Variants in BCL2L13 observed in about 807,000 individuals in gnomAD.
BCL2L13 encodes the protein BCL2 like 13, also known as bcl-2-like protein 13.
Under a neutral mutation model 25.8 loss-of-function variants are expected in BCL2L13, and 13 were observed. The observed-to-expected ratio is 0.50, with a 90% CI of 0.33 to 0.80. The LOEUF (loss-of-function observed/expected upper bound fraction) is 0.80, where lower values mean the gene tolerates loss of function less well. Among genes scored for constraint, BCL2L13 ranks in the 30% least tolerant of loss-of-function variants. The pLI, the probability that BCL2L13 is intolerant of heterozygous loss-of-function variation, is 0.02. For synonymous variants in BCL2L13, 244 were observed against 230.3 expected, an observed-to-expected ratio of 1.06 and a Z score of -0.54; for missense variants, 504 against 574.9, an observed-to-expected ratio of 0.88 and a Z score of 1.26.
chr22:17,702,133 TA>T, intron 5 of BCL2L13, 109 bp from the exon 6 acceptor site: 1 of 897,168 alleles, frequency 1.1e-6, no homozygotes, highest in Non-Finnish European at 1.7e-6. Flanking sequence ...ATAATGAAAA[TA>T]AAAATACCTT....
In BCL2L13 at chr22:17,722,911, G is replaced by C. The variant is rs16981042; in HGVS notation, c.601-3766G>C. Among the ~76,000 whole-genome samples the C allele has an allele frequency of 5.8e-3, 879 of 152,092 alleles. 13 individuals are homozygous for C. The highest frequency in any genetic ancestry group is 0.02 in the African/African-American group (843 of 41,488). ...TATGTAGAGTTATTGTACAATATGG[G>C]CTTCCTTCCACATTGGACTTAAAAA... On this transcript the variant is annotated intron_variant, in intron 6 of 6. Coordinates refer to ENST00000317582, the MANE Select transcript of BCL2L13 (RefSeq NM_015367.4).
intron 6 of BCL2L13, among the ~76,000 whole-genome samples, chr22:17,725,080 C>T (rs939128919): frequency 4.6e-5 from 7 of 152,218 alleles, no homozygotes; most frequent in Non-Finnish European, 7.3e-5. Context: ...AAGGCCTGTG[C>T]TGTAGGGCTT....
intron 1 of BCL2L13, among the ~76,000 whole-genome samples, chr22:17,643,285 T>A (rs1473847568): frequency 3.4e-5 from 5 of 149,252 alleles, no homozygotes; most frequent in Admixed American, 1.3e-4. Context: ...CATTTGATAA[T>A]TTTTTTTTTT....
intron 6 of BCL2L13, among the ~76,000 whole-genome samples, chr22:17,723,991 G>A (rs2061226852): frequency 6.6e-6 from 1 of 151,750 alleles, no homozygotes; most frequent in African/African-American, 2.4e-5. Flanking sequence ...ATGAACTCAA[G>A]TCCAGGTGTG....
chr22:17,706,473 C>T (rs779542023), intron 6 of BCL2L13, among the ~76,000 whole-genome samples: 20 of 152,140 alleles, frequency 1.3e-4, no homozygotes, highest in Non-Finnish European at 2.8e-4. Context: ...CTTCTCTGAA[C>T]CTCAGTTTCA....
chr22:17,639,287 G>C (rs1043373588), intron 1 of BCL2L13, among the ~76,000 whole-genome samples: 2 of 152,260 alleles, frequency 1.3e-5, no homozygotes, highest in African/African-American at 4.8e-5. Flanking sequence ...GATTCACTTA[G>C]AACACTGGAA....
intron 2 of BCL2L13, among the ~76,000 whole-genome samples, chr22:17,679,879 A>G (rs981866908): frequency 3.8e-4 from 57 of 151,980 alleles, no homozygotes; most frequent in Admixed American, 1.8e-3. Context: ...TGTAATAGAA[A>G]TTGACACAAG....
At chr22:17,684,730 A>C in intron 3 of BCL2L13, 2 of 346,986 alleles carry the variant, frequency 5.8e-6, no homozygotes, top group East Asian at 9.0e-5. Context: ...AACCTGGCTA[A>C]TTTTTTGTAT....
rs765639315 is a variant in BCL2L13 at position 17,711,304 on chromosome 22, C to CTTTTTTTTTTTTTTTTTTTTTTTTTT, written c.600+8929_600+8930insTTTTTTTTTTTTTTTTTTTTTTTTTT. ...TTTCCCTTATTTCTTCATGATGGGC[C>CTTTTTTTTTTTTTTTTTTTTTTTTTT]TTTTTTTTTTTGAGACAGGGTTTCA... is the stretch of plus-strand genomic sequence containing the variant. On this transcript the variant is annotated intron_variant, in intron 6 of 6. Transcript: ENST00000317582. Among the ~76,000 whole-genome samples the CTTTTTTTTTTTTTTTTTTTTTTTTTT allele has an allele frequency of 2.4e-5, 3 of 125,388 alleles. 1 individual carries two copies. Among genetic ancestry groups the CTTTTTTTTTTTTTTTTTTTTTTTTTT allele is most frequent in the Non-Finnish European group, 3.4e-5 (2 of 59,374 alleles). The allele number at this position is 125,388 out of a possible 152,430, so 82.3% of individuals were successfully genotyped here.
chr22:17,703,974 A>G lies in BCL2L13; in HGVS notation c.600+1588A>G, dbSNP rs151059682. Among the ~76,000 whole-genome samples, 55 of 152,362 alleles carry G rather than the reference A, an allele frequency of 3.6e-4. 2 individuals are homozygous for G. The highest frequency in any genetic ancestry group is 1.3e-3 in the African/African-American group (55 of 41,582). The stretch of plus-strand genomic sequence containing the variant: ...TCAACTTTCAGTTTTATGATGATGT[A>G]GTACATCAAGGTTTGTTTGGTGATT... On this transcript the variant is annotated intron_variant, in intron 6 of 6. Transcript: ENST00000317582.
chr22:17,653,454 C>T (rs1409148365), intron 1 of BCL2L13, among the ~76,000 whole-genome samples: 7 of 150,524 alleles, frequency 4.7e-5, no homozygotes, highest in South Asian at 2.1e-4. Flanking sequence ...TGTCTCCTTG[C>T]GTCTACTCTT....
At chr22:17,642,081 G>T (rs1181619903) in intron 1 of BCL2L13, among the ~76,000 whole-genome samples, 1 of 148,862 alleles carries the variant, frequency 6.7e-6, no homozygotes, top group Non-Finnish European at 1.5e-5. Context: ...TTACAGGTGT[G>T]TGCCACCGCG....
intron 1 of BCL2L13, among the ~76,000 whole-genome samples, chr22:17,653,301 G>A (rs1360463139): frequency 1.3e-5 from 2 of 151,978 alleles, no homozygotes; most frequent in African/African-American, 4.8e-5. Flanking sequence ...AGCTTCCTGG[G>A]TCACTCTCTC....
chr22:17,667,754 C>T lies in BCL2L13; in HGVS notation c.121+11922C>T, dbSNP rs149172822. Among the ~76,000 whole-genome samples, 460 of 152,140 alleles carry T rather than the reference C, an allele frequency of 3.0e-3. 1 individual carries two copies. Among genetic ancestry groups the T allele is most frequent in the African/African-American group, 0.011 (445 of 41,504 alleles). On this transcript the variant is annotated intron_variant, in intron 2 of 6. Transcript: ENST00000317582. Reference sequence around the variant, plus strand: ...GAACTCCTGACCTCTAGTGATCTGCCCGCCTTGGCCTCCCAAAGTGTTGGG... The same window carrying T: ...GAACTCCTGACCTCTAGTGATCTGCTCGCCTTGGCCTCCCAAAGTGTTGGG...
intron 2 of BCL2L13, among the ~76,000 whole-genome samples, chr22:17,670,129 C>A (rs1337177732): frequency 6.6e-6 from 1 of 152,048 alleles, no homozygotes; most frequent in African/African-American, 2.4e-5. Context: ...GGTCTGTATA[C>A]CTGTTGTTAT....
chr22:17,637,388 C>CA (rs2058129207), upstream of BCL2L13, among the ~76,000 whole-genome samples: 1 of 142,592 alleles, frequency 7.0e-6, no homozygotes, highest in African/African-American at 2.6e-5. Flanking sequence ...GCCTGGGCGA[C>CA]AGAGTGAGAC....
chr22:17,712,431 C>CACA (rs1448248876), intron 6 of BCL2L13, among the ~76,000 whole-genome samples: 1 of 152,174 alleles, frequency 6.6e-6, no homozygotes, highest in East Asian at 1.9e-4. Context: ...AAATAAATAA[C>CACA]ATAAGTGTAC....
intron 1 of BCL2L13, among the ~76,000 whole-genome samples, chr22:17,641,109 C>G (rs1277008742): frequency 6.6e-6 from 1 of 152,046 alleles, no homozygotes; most frequent in African/African-American, 2.4e-5. Flanking sequence ...CCAGGATGGT[C>G]TCGATCTCCT....
intron 6 of BCL2L13, among the ~76,000 whole-genome samples, chr22:17,719,013 G>T (rs1011099148): frequency 2.6e-5 from 4 of 151,714 alleles, no homozygotes; most frequent in Non-Finnish European, 5.9e-5. Context: ...CAACAGCCAG[G>T]CACAGTGGTG....
Sources: allele counts gnomAD v4.1 joint callset (sites outside exome capture counted in the v4.1 genomes callset), GRCh38; gene constraint gnomAD v4.1.1; transcripts MANE v1.5; gene names NCBI Gene and HGNC (gene_info 2026-07-23, HGNC 2026-07-21).